The following KCNU1 variants were observed in gnomAD, a reference collection of about 807,000 sequenced individuals.
KCNU1 encodes potassium channel subfamily U member 1.
A neutral mutation model predicts 126.8 loss-of-function variants in KCNU1; 93 were observed. The observed-to-expected ratio is 0.73, with a 90% CI of 0.62 to 0.87. The LOEUF (loss-of-function observed/expected upper bound fraction) is 0.87. KCNU1 is among the 40% of genes least tolerant of loss of function. The pLI is 0.00. For missense variants in KCNU1, 1,330 were observed against 1,367.1 expected (o/e 0.97, Z 0.43); for synonymous variants, 523 against 494.2 (o/e 1.06, Z -0.77).
chr8:36,910,861 A>G (rs896507976), intron 21 of KCNU1, 69 bp from the exon 22 acceptor site: 5 of 1,126,104 alleles, frequency 4.4e-6, no homozygotes, highest in Non-Finnish European at 6.3e-6. Flanking sequence ...ACAAAGAGCC[A>G]CCACCATGAG....
intron 20 of KCNU1, among the ~76,000 whole-genome samples, chr8:36,908,542 G>A (rs1356740533): frequency 3.3e-5 from 4 of 120,950 alleles, no homozygotes; most frequent in South Asian, 5.4e-4. Flanking sequence ...CCACGACATG[G>A]ATGAACCTGG....
chr8:36,875,511 A>T (rs142956833), intron 19 of KCNU1, among the ~76,000 whole-genome samples: 112 of 151,432 alleles, frequency 7.4e-4, no homozygotes, highest in African/African-American at 2.7e-3. Context: ...CAATAGCTAA[A>T]AATAAGGAGT....
intron 6 of KCNU1, among the ~76,000 whole-genome samples, chr8:36,807,733 A>C: frequency 6.6e-6 from 1 of 150,796 alleles, no homozygotes; most frequent in African/African-American, 2.4e-5. Flanking sequence ...CTCCACCAAA[A>C]AAAAAAAAAA....
intron 16 of KCNU1, among the ~76,000 whole-genome samples, chr8:36,844,390 CAA>C (rs527722655): frequency 6.7e-5 from 9 of 135,194 alleles, no homozygotes; most frequent in Non-Finnish European, 1.5e-4. Flanking sequence ...CAAAAAAAAA[CAA>C]AAAAAAAAGG....
At chr8:36,922,450 C>A (rs772266869) in intron 23 of KCNU1, 40 bp from the exon 24 acceptor site, 7 of 1,593,346 alleles carry the variant, frequency 4.4e-6, no homozygotes, top group African/African-American at 1.3e-5. Context: ...TATTCTTAAC[C>A]TGATCTGCTT....
At chr8:36,825,249 C>T (rs1351834902) in intron 10 of KCNU1, among the ~76,000 whole-genome samples, 6 of 152,110 alleles carry the variant, frequency 3.9e-5, no homozygotes, top group Non-Finnish European at 7.4e-5. Flanking sequence ...GGCCAAGCAT[C>T]TTTTCAGATC....
At chr8:36,865,379 A>T (rs564377069) in intron 19 of KCNU1, among the ~76,000 whole-genome samples, 8 of 152,266 alleles carry the variant, frequency 5.3e-5, no homozygotes, top group Non-Finnish European at 8.8e-5. Flanking sequence ...AAACAAAATC[A>T]GTATTTCAAA....
intron 4 of KCNU1, among the ~76,000 whole-genome samples, chr8:36,805,549 C>T (rs572041705): frequency 1.9e-4 from 29 of 152,314 alleles, no homozygotes; most frequent in Non-Finnish European, 2.9e-5. Context: ...GGCCTCCTTA[C>T]TGGCTTCCCA....
chr8:36,904,789 G>T (rs569944339), intron 19 of KCNU1, among the ~76,000 whole-genome samples: 28 of 152,230 alleles, frequency 1.8e-4, no homozygotes, highest in Admixed American at 2.6e-4. Context: ...TAAGATGGTA[G>T]AGCCTCTGTC....
chr8:36,836,654 C>T, intron 13 of KCNU1, 139 bp from the exon 14 acceptor site: 1 of 747,152 alleles, frequency 1.3e-6, no homozygotes. Flanking sequence ...TTTTCATTGA[C>T]CTGGGCACCA....
intron 19 of KCNU1, among the ~76,000 whole-genome samples, chr8:36,868,551 T>C (rs902038597): frequency 2.0e-5 from 3 of 152,144 alleles, no homozygotes; most frequent in Non-Finnish European, 2.9e-5. Flanking sequence ...TTCCAGTAAG[T>C]TCAGAAACTA....
intron 18 of KCNU1, among the ~76,000 whole-genome samples, chr8:36,856,091 C>A (rs1347799162): frequency 6.6e-6 from 1 of 152,130 alleles, no homozygotes; most frequent in Non-Finnish European, 1.5e-5. Flanking sequence ...TACTTTTCAA[C>A]TATAAAGCTT....
intron 7 of KCNU1, among the ~76,000 whole-genome samples, chr8:36,809,048 G>A (rs1768258304): frequency 1.3e-5 from 2 of 152,004 alleles, no homozygotes; most frequent in Non-Finnish European, 2.9e-5. Context: ...AAGCTCCAAA[G>A]GTATCAGCAA....
intron 10 of KCNU1, among the ~76,000 whole-genome samples, chr8:36,831,651 G>A (rs1293576048): frequency 6.8e-6 from 1 of 147,378 alleles, no homozygotes; most frequent in East Asian, 2.0e-4. Context: ...TGTAGATTCT[G>A]GATATTAGCC....
chr8:36,871,462 T>G (rs973758353), intron 19 of KCNU1, among the ~76,000 whole-genome samples: 1 of 152,136 alleles, frequency 6.6e-6, no homozygotes, highest in African/African-American at 2.4e-5. Context: ...TTGAATAATC[T>G]GATTCTTTAG....
At chr8:36,889,696 G>A (rs1001551169) in intron 19 of KCNU1, among the ~76,000 whole-genome samples, 1 of 152,040 alleles carries the variant, frequency 6.6e-6, no homozygotes, top group Non-Finnish European at 1.5e-5. Flanking sequence ...GAAAAATGGA[G>A]AAGAAGAAAT....
intron 19 of KCNU1, among the ~76,000 whole-genome samples, chr8:36,891,704 C>A (rs1806969568): frequency 6.6e-6 from 1 of 152,098 alleles, no homozygotes; most frequent in African/African-American, 2.4e-5. Context: ...ATTTCTTCAT[C>A]ATTTTTGAAT....
At chr8:36,901,370 A>T (rs1190483230) in intron 19 of KCNU1, among the ~76,000 whole-genome samples, 1 of 152,092 alleles carries the variant, frequency 6.6e-6, no homozygotes, top group Non-Finnish European at 1.5e-5. Flanking sequence ...AACTGATAGG[A>T]TTTATACAGG....
intron 19 of KCNU1, among the ~76,000 whole-genome samples, chr8:36,876,067 G>A (rs531844285): frequency 6.6e-6 from 1 of 152,242 alleles, no homozygotes; most frequent in Non-Finnish European, 1.5e-5. Flanking sequence ...TTTAGGGCCA[G>A]GTCAAGTATC....
Sources: gnomAD v4.1 joint callset for allele counts (sites outside exome capture counted in the v4.1 genomes callset) on GRCh38, gnomAD v4.1.1 for gene constraint, MANE v1.5 for transcripts, NCBI Gene and HGNC (gene_info 2026-07-23, HGNC 2026-07-21) for gene names.